The following ATP8A2 variants were observed in gnomAD, a reference collection of about 807,000 sequenced individuals.
ATP8A2 encodes ATPase phospholipid transporting 8A2.
A neutral mutation model predicts 165.6 loss-of-function variants in ATP8A2; 100 were observed. The ratio of observed to expected loss-of-function variants is 0.60; its 90% CI spans 0.51 to 0.71. ATP8A2 has a LOEUF of 0.71. ATP8A2 is among the 30% of genes least tolerant of loss of function. The pLI is 0.00. For synonymous variants in ATP8A2, 543 were observed against 548.8 expected, an observed-to-expected ratio of 0.99 and a Z score of 0.15; for missense variants, 1,227 against 1,479.5, an observed-to-expected ratio of 0.83 and a Z score of 2.80.
At chr13:25,974,352 G>C (rs567734415) in intron 35 of ATP8A2, among the ~76,000 whole-genome samples, 103 of 152,142 alleles carry the variant, frequency 6.8e-4, no homozygotes, top group Non-Finnish European at 1.2e-3. Context: ...AATGCAGCAG[G>C]CTCTCCGAGT....
At chr13:25,498,017 A>G (rs61948576) in intron 2 of ATP8A2, among the ~76,000 whole-genome samples, 5,792 of 152,234 alleles carry the variant, frequency 0.038, 141 homozygotes, top group Non-Finnish European at 0.05. Context: ...GTACTTGTTC[A>G]TTATAATTGT....
intron 1 of ATP8A2, among the ~76,000 whole-genome samples, chr13:25,438,767 G>A (rs1209293703): frequency 6.6e-6 from 1 of 152,098 alleles, no homozygotes; most frequent in Non-Finnish European, 1.5e-5. Flanking sequence ...AGTTGGCTGG[G>A]TTTTTATTTC....
At chr13:25,500,657 C>CT (rs2137696055) in intron 2 of ATP8A2, among the ~76,000 whole-genome samples, 2 of 152,204 alleles carry the variant, frequency 1.3e-5, no homozygotes, top group East Asian at 3.9e-4. Flanking sequence ...GCGATCTTGG[C>CT]TTACCCCAAC....
intron 2 of ATP8A2, among the ~76,000 whole-genome samples, chr13:25,504,196 G>A (rs565605910): frequency 5.5e-4 from 83 of 152,266 alleles, no homozygotes; most frequent in African/African-American, 1.9e-3. Context: ...ATTGAATACC[G>A]TCAGTATTCA....
intron 33 of ATP8A2, among the ~76,000 whole-genome samples, chr13:25,890,775 C>G (rs9507597): frequency 1.3e-5 from 2 of 152,132 alleles, no homozygotes; most frequent in Non-Finnish European, 2.9e-5. Flanking sequence ...AAAGAAAGAC[C>G]TATGAAATTT....
chr13:25,641,934 A>G (rs1338696614), intron 24 of ATP8A2, among the ~76,000 whole-genome samples: 1 of 152,184 alleles, frequency 6.6e-6, no homozygotes, highest in African/African-American at 2.4e-5. Flanking sequence ...CAGAGCCCTG[A>G]GAAATAATAC....
chr13:25,663,166 C>T (rs1172572113), intron 24 of ATP8A2, among the ~76,000 whole-genome samples: 1 of 152,182 alleles, frequency 6.6e-6, no homozygotes, highest in Non-Finnish European at 1.5e-5. Flanking sequence ...ATGGCAGAGC[C>T]AGGATTCAAA....
intron 25 of ATP8A2, among the ~76,000 whole-genome samples, chr13:25,734,350 T>A (rs1593267189): frequency 1.3e-5 from 2 of 152,210 alleles, no homozygotes; most frequent in Admixed American, 1.3e-4. Flanking sequence ...AAGGACTTGA[T>A]CACATCCTTA....
intron 2 of ATP8A2, among the ~76,000 whole-genome samples, chr13:25,507,225 G>A (rs2037073867): frequency 1.7e-5 from 1 of 60,486 alleles, no homozygotes; most frequent in South Asian, 4.5e-4. Flanking sequence ...TTCTTTGTGT[G>A]TGTGTGTGTG....
At chr13:25,842,709 A>AGAAG (rs774303749) in intron 30 of ATP8A2, among the ~76,000 whole-genome samples, 3 of 151,332 alleles carry the variant, frequency 2.0e-5, no homozygotes, top group African/African-American at 7.3e-5. Context: ...AGAAAAGGAA[A>AGAAG]GAAGGAAGGA....
chr13:25,828,037 A>G, intron 27 of ATP8A2, 81 bp from the exon 28 acceptor site: 2 of 1,109,714 alleles, frequency 1.8e-6, no homozygotes, highest in Middle Eastern at 3.9e-4. Context: ...CTGGTGGTCC[A>G]CATTCCCGCT....
chr13:25,454,825 G>A (rs2035322083), intron 1 of ATP8A2, among the ~76,000 whole-genome samples: 1 of 152,198 alleles, frequency 6.6e-6, no homozygotes, highest in South Asian at 2.1e-4. Context: ...GGGAGGCTGA[G>A]GCAGGAGAAT....
rs1344597189 is a variant in ATP8A2 at position 25,699,301 on chromosome 13, T to C, written c.2340T>C (p.Ser780=). 2 of 1,613,086 alleles carry C rather than the reference T, an allele frequency of 1.2e-6. No homozygotes were observed. Among genetic ancestry groups the C allele is most frequent in the Non-Finnish European group, 1.7e-6 (2 of 1,179,620 alleles). ...CGCTCTCCTTCGAAGTCCGGAGGAG[T>C]TTCCTGGATTTGGCACTCTCGTGCA... ...KYALSFEVRR[S]FLDLALSCKA... is the part of the protein sequence containing the mutation. The change falls in exon 25 of 37, where the codon AGT becomes AGC. Residue 780 remains serine (S), a synonymous_variant. Transcript: ENST00000381655.
intron 33 of ATP8A2, among the ~76,000 whole-genome samples, chr13:25,880,378 A>C (rs1163543065): frequency 1.4e-5 from 1 of 70,234 alleles, no homozygotes; most frequent in East Asian, 4.0e-4. Context: ...CAGGAACAAC[A>C]AAAAAAAAAA....
chr13:25,857,885 T>C (rs1952219010), intron 30 of ATP8A2, among the ~76,000 whole-genome samples: 1 of 152,156 alleles, frequency 6.6e-6, no homozygotes, highest in Non-Finnish European at 1.5e-5. Flanking sequence ...ATGTATTTCT[T>C]CATAGCACTT....
At chr13:25,624,768 TCAAC>T (rs2041060740) in intron 24 of ATP8A2, among the ~76,000 whole-genome samples, 1 of 152,188 alleles carries the variant, frequency 6.6e-6, no homozygotes, top group African/African-American at 2.4e-5. Context: ...GAAAAATAGT[TCAAC>T]CAAGTAAATT....
At chr13:25,791,346 A>G (rs1166989339) in intron 27 of ATP8A2, among the ~76,000 whole-genome samples, 1 of 152,152 alleles carries the variant, frequency 6.6e-6, no homozygotes, top group Non-Finnish European at 1.5e-5. Context: ...ACATACAGAC[A>G]CAAAGAAGGG....
intron 8 of ATP8A2, among the ~76,000 whole-genome samples, chr13:25,541,256 A>G (rs1450335821): frequency 1.3e-5 from 2 of 152,216 alleles, no homozygotes; most frequent in Non-Finnish European, 2.9e-5. Flanking sequence ...CAGCAATTCT[A>G]TCCATATATC....
rs373608509 is a variant in ATP8A2 at position 25,904,689 on chromosome 13, C to T, written c.3183+42281C>T. ...GTTATAGTTTTCCCTAATGCTCTCT[C>T]TTTTTCCTCACATCTCCCCCCGGTA... On this transcript the variant is annotated intron_variant, in intron 33 of 36. Coordinates refer to ENST00000381655, the MANE Select transcript of ATP8A2 (RefSeq NM_016529.6). Among the ~76,000 whole-genome samples, 84 of 150,648 alleles carry T rather than the reference C, an allele frequency of 5.6e-4. 1 individual carries two copies. In the South Asian group the frequency reaches 0.017, roughly 30 times the overall value.
Sources: gnomAD v4.1 joint callset for allele counts (sites outside exome capture counted in the v4.1 genomes callset) on GRCh38, gnomAD v4.1.1 for gene constraint, MANE v1.5 for transcripts, NCBI Gene and HGNC (gene_info 2026-07-23, HGNC 2026-07-21) for gene names.